Variants in ATP13A1 observed in about 807,000 individuals in gnomAD.
ATP13A1 encodes endoplasmic reticulum transmembrane helix translocase.
Under a neutral mutation model 134.8 loss-of-function variants are expected in ATP13A1, and 55 were observed. The observed-to-expected ratio is 0.41, with a 90% CI of 0.33 to 0.51. The LOEUF (loss-of-function observed/expected upper bound fraction) is 0.51. ATP13A1 is among the 20% of genes least tolerant of loss of function. ATP13A1 has a pLI of 0.29. For missense variants in ATP13A1, 1,389 were observed against 1,652.8 expected (o/e 0.84, Z 2.77); for synonymous variants, 775 against 725.1 (o/e 1.07, Z -1.10).
chr19:19,654,483 G>A, intron 13 of ATP13A1, 60 bp downstream of exon 13: 1 of 1,534,706 alleles, frequency 6.5e-7, no homozygotes, highest in Non-Finnish European at 8.7e-7. Context: ...CAGCCCACCT[G>A]CCTAGGGCTG....
At position 19,655,654 on chromosome 19, in the gene ATP13A1, C is replaced by A. The variant is rs1203838841; in HGVS notation, c.1270G>T (p.Gly424Cys). 1 of 1,612,308 alleles carries A rather than the reference C, an allele frequency of 6.2e-7. No homozygotes were observed. Among genetic ancestry groups the A allele is most frequent in the African/African-American group, 1.3e-5 (1 of 74,892 alleles). Residue 424 changes from glycine to cysteine, a missense_variant and splice_region_variant, in exon 10 of 26, where the codon GGC becomes TGC. By Grantham distance (159) the Gly-to-Cys change is radical (BLOSUM62 -3). Around this residue, in one of 4 missense-constraint regions of ATP13A1, gnomAD observed 747 missense variants for 956.1 expected, o/e 0.78. Coordinates refer to ENST00000357324, the MANE Select transcript of ATP13A1 (RefSeq NM_020410.3). This position sits in a 1 kb window ranked among gnomAD's most constrained non-coding sequence, Gnocchi z 5.7. The stretch of plus-strand genomic sequence containing the variant: ...AAGAGGATGGTGCGCAGCAGCTTGC[C>A]CTGGAGGAATGGAGGAACAGCCTTT... ...VLRTGFNTSQGKLLRTILFGV... is the reference protein window; with the variant it reads ...VLRTGFNTSQCKLLRTILFGV...
At chr19:19,660,316 A>G (rs2062086435) in intron 1 of ATP13A1, among the ~76,000 whole-genome samples, 1 of 151,366 alleles carries the variant, frequency 6.6e-6, no homozygotes, top group South Asian at 2.1e-4. Flanking sequence ...ACCCTGTCTC[A>G]ACTAAAAATA....
Position 19,657,025 on chromosome 19 carries a change from C to T in ATP13A1, c.875G>A (p.Arg292Gln), listed in dbSNP as rs139907688. The T allele has an allele frequency of 3.8e-5, 60 of 1,580,234 alleles. No individual in the cohort carries two copies. The highest frequency in any genetic ancestry group is 2.7e-4 in the African/African-American group (20 of 74,092). ...QQQMRNMSEI[R>Q]KMGNKPHMIQ... ...CATGTGGGGCTTGTTGCCCATCTTC[C>T]GGATCTCCGACATGTTCCGCATCTG... Residue 292 changes from arginine (R) to glutamine (Q), a missense_variant, in exon 5 of 26, where the codon CGG becomes CAG. Transcript: ENST00000357324.
At chr19:19,659,389 G>A (rs921314760) in intron 3 of ATP13A1, among the ~76,000 whole-genome samples, 2 of 152,166 alleles carry the variant, frequency 1.3e-5, no homozygotes, top group African/African-American at 4.8e-5. Flanking sequence ...CGGGGAGGCG[G>A]AGGTTGGGGT....
Position 19,655,480 on chromosome 19 carries a change from G to T in ATP13A1, c.1397-27C>A. 1 of 1,613,974 alleles carries T rather than the reference G, an allele frequency of 6.2e-7. No individual in the cohort carries two copies. The stretch of plus-strand genomic sequence containing the variant: ...TGTGGAGACAGGGCCTGCCAACCTG[G>T]AGCCTCGGAGGGTGGGCGCAGGGGA... On this transcript the variant is annotated intron_variant, in intron 10 of 25. Transcript: ENST00000357324. This position sits in a 1 kb window ranked among gnomAD's most constrained non-coding sequence, Gnocchi z 5.7.
Position 19,655,461 on chromosome 19 carries a change from G to A in ATP13A1, c.1397-8C>T, listed in dbSNP as rs1466694554. 1 of 1,613,896 alleles carries A rather than the reference G, an allele frequency of 6.2e-7. No homozygotes were observed. Among genetic ancestry groups the A allele is most frequent in the Non-Finnish European group, 8.5e-7 (1 of 1,179,890 alleles). On this transcript the variant is annotated splice_polypyrimidine_tract_variant and splice_region_variant and intron_variant, in intron 10 of 25. Transcript: ENST00000357324. This position sits in a 1 kb window ranked among gnomAD's most constrained non-coding sequence, Gnocchi z 5.7. ...GGCTGGGGTCCTTGGTACCTGTGGA[G>A]ACAGGGCCTGCCAACCTGGAGCCTC... is the stretch of plus-strand genomic sequence containing the variant.
At position 19,651,727 on chromosome 19, in the gene ATP13A1, T is replaced by C; in HGVS notation, c.2297A>G (p.Lys766Arg). The C allele has an allele frequency of 6.2e-7, 1 of 1,613,012 alleles. No homozygotes were observed. Among genetic ancestry groups the C allele is most frequent in the Non-Finnish European group, 8.5e-7 (1 of 1,179,488 alleles). ...HVAQELHFIE[K>R]AHTLILQPPS... ...AGGCTGCAGGATCAGCGTGTGGGCC[T>C]TTTCAATGAAGTGCAGCTCCTGGGC... The change falls in exon 17 of 26, where the codon AAG becomes AGG. Residue 766 changes from lysine to arginine, a missense_variant. Physicochemically the swap from Lys to Arg is conservative, Grantham distance 26. This residue lies in a region of ATP13A1 where 747 missense variants were observed against 956.1 expected (regional missense o/e 0.78). Coordinates refer to ENST00000357324, the MANE Select transcript of ATP13A1 (RefSeq NM_020410.3).
chr19:19,660,344 C>T (rs1568430904), intron 1 of ATP13A1, among the ~76,000 whole-genome samples: 3 of 152,110 alleles, frequency 2.0e-5, no homozygotes, highest in African/African-American at 4.8e-5. Flanking sequence ...GAGCCGGACA[C>T]GGTGGTGCAC....
At position 19,655,083 on chromosome 19, in the gene ATP13A1, C is replaced by T. The variant is rs1477386581; in HGVS notation, c.1655+36G>A. ...TCTCTCGACTTCCCAGAAACCCCAT[C>T]TGGGTGACCTTTGCTGCAGGGCCCC... On this transcript the variant is annotated intron_variant, in intron 12 of 25. Coordinates refer to ENST00000357324, the MANE Select transcript of ATP13A1 (RefSeq NM_020410.3). This position sits in a 1 kb window ranked among gnomAD's most constrained non-coding sequence, Gnocchi z 5.7. 2 of 1,611,598 alleles carry T rather than the reference C, an allele frequency of 1.2e-6. No individual in the cohort carries two copies. Among genetic ancestry groups the T allele is most frequent in the Admixed American group, 1.7e-5 (1 of 59,822 alleles).
intron 4 of ATP13A1, 68 bp from the exon 5 acceptor site, chr19:19,657,217 G>A (rs1434324802): frequency 3.4e-6 from 5 of 1,482,766 alleles, no homozygotes; most frequent in East Asian, 2.4e-5. Context: ...TCCACCCACC[G>A]GATCTGATAT....
Position 19,647,365 on chromosome 19 carries a change from G to T in ATP13A1, c.2909-40C>A. 5 of 1,608,312 alleles carry T rather than the reference G, an allele frequency of 3.1e-6. No individual in the cohort carries two copies. The highest frequency in any genetic ancestry group is 4.2e-6 in the Non-Finnish European group (5 of 1,176,696). On this transcript the variant is annotated intron_variant, in intron 21 of 25. Coordinates refer to ENST00000357324, the MANE Select transcript of ATP13A1 (RefSeq NM_020410.3). This position sits in a 1 kb window ranked among gnomAD's most constrained non-coding sequence, Gnocchi z 4.8. The stretch of plus-strand genomic sequence containing the variant: ...GGAGGCAGGTGTGGGTGTGGGTAGG[G>T]GTGCCAAGGGGGGAATGAAGGGAGG...
At chr19:19,650,029 GTC>G in intron 17 of ATP13A1, 89 bp from the exon 18 acceptor site, 3 of 1,252,374 alleles carry the variant, frequency 2.4e-6, no homozygotes, top group Middle Eastern at 2.7e-4. Context: ...GCACCAGCCA[GTC>G]TCTCCTCTCT....
At position 19,654,047 on chromosome 19, in the gene ATP13A1, GGCAA is replaced by G; in HGVS notation, c.1907_1910del (p.Leu636ProfsTer17). ...CGGTGGAGCCCAGCTTCTCATACGA[GGCAA>G]GCACGGACATTCGCTTCAGGGCACT... On this transcript the variant is annotated frameshift_variant, in exon 14 of 26. Transcript: ENST00000357324. LOFTEE classifies it high-confidence loss of function. 1 of 1,597,328 alleles carries G rather than the reference GGCAA, an allele frequency of 6.3e-7. No homozygotes were observed. Among genetic ancestry groups the G allele is most frequent in the Non-Finnish European group, 8.5e-7 (1 of 1,172,218 alleles).
At position 19,656,021 on chromosome 19, in the gene ATP13A1, C is replaced by A. The variant is rs1224754388; in HGVS notation, c.1213+33G>T. On this transcript the variant is annotated intron_variant, in intron 8 of 25. Coordinates refer to ENST00000357324, the MANE Select transcript of ATP13A1 (RefSeq NM_020410.3). The surrounding 1 kb of genome is among the most constrained non-coding windows in gnomAD (Gnocchi z 4.6). ...GCAGACGGGCAAAGGGGGTGGAAGC[C>A]CAGATACCCCCAGACGCCCATGAGG... 6.2e-7 allele frequency: 1 copy of A among 1,613,152 alleles called. No individual in the cohort carries two copies.
chr19:19,654,691 C>T lies in ATP13A1; in HGVS notation c.1665G>A (p.Lys555=), dbSNP rs761432209. The T allele has an allele frequency of 8.7e-6, 14 of 1,611,568 alleles. No homozygotes were observed. The African/African-American group carries it at 1.9e-4, about 22-fold the overall frequency. ...GGATGCTGGACACTGGGGTCACCTCCTTCCCGTCTCTGCAAGGTCGGGGAA... is the reference window on the plus strand; with the variant it reads ...GGATGCTGGACACTGGGGTCACCTCTTTCCCGTCTCTGCAAGGTCGGGGAA... ...VRGVAGLRDG[K]EVTPVSSIPV... Residue 555 remains lysine (K), a synonymous_variant, in exon 13 of 26, where the codon AAG becomes AAA. Transcript: ENST00000357324.
At position 19,656,807 on chromosome 19, in the gene ATP13A1, GCTGGGGCTCCCACTGGGA is replaced by G. The variant is rs779565528; in HGVS notation, c.976+22_976+39del. The G allele has an allele frequency of 6.2e-7, 1 of 1,612,398 alleles. No individual in the cohort carries two copies. Among genetic ancestry groups the G allele is most frequent in the South Asian group, 1.1e-5 (1 of 90,944 alleles). ...AGGAGGGTTGGCCAGAGGCCCTGAGGCTGGGGCTCCCACTGGGACTGAGCGGAACCCGGCCTCACCGAT... is the reference window on the plus strand; with the variant it reads ...AGGAGGGTTGGCCAGAGGCCCTGAGGCTGAGCGGAACCCGGCCTCACCGAT... On this transcript the variant is annotated intron_variant, in intron 6 of 25. Coordinates refer to ENST00000357324, the MANE Select transcript of ATP13A1 (RefSeq NM_020410.3). This position sits in a 1 kb window ranked among gnomAD's most constrained non-coding sequence, Gnocchi z 4.6.
Position 19,653,687 on chromosome 19 carries a change from A to T in ATP13A1, c.2100+97T>A. ...GGCGGGGCAAGGAGGACAAAATCAC[A>T]ACCATTCAACCTGGCACTGTGGGAC... On this transcript the variant is annotated intron_variant, in intron 15 of 25. Coordinates refer to ENST00000357324, the MANE Select transcript of ATP13A1 (RefSeq NM_020410.3). This position sits in a 1 kb window ranked among gnomAD's most constrained non-coding sequence, Gnocchi z 4.2. The T allele has an allele frequency of 8.7e-7, 1 of 1,154,652 alleles. No homozygotes were observed. Among genetic ancestry groups the T allele is most frequent in the Non-Finnish European group, 1.2e-6 (1 of 823,122 alleles). 71.5% of individuals were successfully genotyped at this position (1,154,652 alleles called of 1,614,324 possible).
chr19:19,661,935 C>G, intron 1 of ATP13A1: 1 of 1,136,670 alleles, frequency 8.8e-7, no homozygotes, highest in Admixed American at 2.3e-5. Context: ...CCAGGGCGGG[C>G]ACTCTGCAGA....
rs1005510491 is a variant in ATP13A1 at position 19,653,366 on chromosome 19, G to A, written c.2100+418C>T. ...TACTGCAACCTGAGGCTAAATTCTG[G>A]AAGGATCCGCAGCTGTAGGGTGCAA... On this transcript the variant is annotated intron_variant, in intron 15 of 25. Coordinates refer to ENST00000357324, the MANE Select transcript of ATP13A1 (RefSeq NM_020410.3). The surrounding 1 kb of genome is among the most constrained non-coding windows in gnomAD (Gnocchi z 4.2). 2 of 233,280 alleles carry A rather than the reference G, an allele frequency of 8.6e-6. No individual in the cohort carries two copies. Among genetic ancestry groups the A allele is most frequent in the African/African-American group, 4.6e-5 (2 of 43,572 alleles). 14.5% of individuals were successfully genotyped at this position (233,280 alleles called of 1,614,324 possible).
Sources: gnomAD v4.1 joint callset for allele counts (sites outside exome capture counted in the v4.1 genomes callset) on GRCh38, gnomAD v4.1.1 for gene constraint, gnomAD v4.1.1 regional missense constraint, Gnocchi (gnomAD v3.1) non-coding constraint, MANE v1.5 for transcripts, NCBI Gene and HGNC (gene_info 2026-07-23, HGNC 2026-07-21) for gene names.